The following GLE1 variants were observed in gnomAD, a reference collection of about 807,000 sequenced individuals.
GLE1 encodes mRNA export factor GLE1.
GLE1 carries 78 observed loss-of-function variants against 97.3 expected under a neutral mutation model. The observed-to-expected ratio is 0.80, with a 90% confidence interval of 0.67 to 0.97. The LOEUF is 0.97. Ranked by LOEUF, GLE1 falls within the 50% of genes least tolerant of loss-of-function variation. The pLI is 0.00. For synonymous variants in GLE1, 302 were observed against 313.4 expected, an observed-to-expected ratio of 0.96 and a Z score of 0.39; for missense variants, 753 against 857.5, an observed-to-expected ratio of 0.88 and a Z score of 1.52.
chr9:128,518,336 A>G (rs1218933729), intron 3 of GLE1, among the ~76,000 whole-genome samples: 2 of 151,988 alleles, frequency 1.3e-5, no homozygotes, highest in Admixed American at 6.6e-5. Context: ...CGAGGCAGGC[A>G]GATCACTTGA....
intron 1 of GLE1, 35 bp downstream of exon 1, chr9:128,504,939 G>T: frequency 7.1e-7 from 1 of 1,413,612 alleles, no homozygotes; most frequent in Non-Finnish European, 1.0e-6. Context: ...AGGCCTTTCC[G>T]GCCCCTCGCG....
At chr9:128,511,876 A>G (rs1452156712) in intron 2 of GLE1, among the ~76,000 whole-genome samples, 1 of 151,794 alleles carries the variant, frequency 6.6e-6, no homozygotes, top group Non-Finnish European at 1.5e-5. Context: ...CAATGGTGCA[A>G]TCTCGGCTTA....
intron 1 of GLE1, 53 bp downstream of exon 1, chr9:128,504,957 CCTT>C (rs1490451976): frequency 1.6e-5 from 19 of 1,209,406 alleles, no homozygotes; most frequent in African/African-American, 8.9e-5. Context: ...GCGACCGAAA[CCTT>C]CTCCCTAGCC....
At chr9:128,536,856 A>C (rs1847727897) in intron 12 of GLE1, 2 of 223,876 alleles carry the variant, frequency 8.9e-6, no homozygotes, top group Non-Finnish European at 1.8e-5. Flanking sequence ...GAACAAGCTC[A>C]GAAAGCTGCA....
At chr9:128,536,707 C>T (rs1190759082) in intron 12 of GLE1, 5 of 487,038 alleles carry the variant, frequency 1.0e-5, no homozygotes, top group African/African-American at 2.0e-5. Flanking sequence ...CAGAGTCTAC[C>T]AGAGGAGAGT....
At chr9:128,535,249 C>T (rs1186089345) in intron 11 of GLE1, among the ~76,000 whole-genome samples, 1 of 151,460 alleles carries the variant, frequency 6.6e-6, no homozygotes, top group Non-Finnish European at 1.5e-5. Context: ...CGGTGGCTCA[C>T]GCCTGTAATC....
chr9:128,513,200 ATTAT>A (rs1463021143), intron 2 of GLE1, among the ~76,000 whole-genome samples: 1 of 151,790 alleles, frequency 6.6e-6, no homozygotes, highest in African/African-American at 2.4e-5. Flanking sequence ...TCTGCTTGAC[ATTAT>A]TTATTATTAT....
At chr9:128,511,461 A>C (rs1846819501) in intron 2 of GLE1, among the ~76,000 whole-genome samples, 1 of 151,728 alleles carries the variant, frequency 6.6e-6, no homozygotes, top group Non-Finnish European at 1.5e-5. Flanking sequence ...TAATCCCAGC[A>C]CTTTGGGAGG....
rs1205948429 is a variant in GLE1 at position 128,523,723 on chromosome 9, C to T, written c.774C>T (p.Leu258=). ...CTCTGCAGGAGGAGATGCTGCAGCT[C>T]AGCCAGCAGCTGGATGCCTCTGAGC... ...LYALQEEMLQ[L]SQQLDASEQH... The change falls in exon 6 of 16, where the codon CTC becomes CTT. Residue 258 remains leucine (L), a synonymous_variant. Transcript: ENST00000309971. The T allele has an allele frequency of 4.3e-6, 7 of 1,613,958 alleles. No homozygotes were observed. Among genetic ancestry groups the T allele is most frequent in the Non-Finnish European group, 5.9e-6 (7 of 1,180,020 alleles).
intron 3 of GLE1, among the ~76,000 whole-genome samples, chr9:128,516,057 A>G (rs1439279921): frequency 6.7e-5 from 10 of 150,196 alleles, no homozygotes; most frequent in Non-Finnish European, 3.0e-5. Context: ...CCCAGGTTCA[A>G]GTGATTCTCC....
At chr9:128,534,359 A>G (rs1847627666) in intron 11 of GLE1, among the ~76,000 whole-genome samples, 1 of 152,112 alleles carries the variant, frequency 6.6e-6, no homozygotes, top group African/African-American at 2.4e-5. Context: ...ACACAGCAAG[A>G]GTGTGTCTCA....
intron 3 of GLE1, among the ~76,000 whole-genome samples, chr9:128,518,096 T>C (rs553958327): frequency 9.9e-5 from 15 of 152,176 alleles, no homozygotes; most frequent in African/African-American, 3.4e-4. Flanking sequence ...GTTCCCATAC[T>C]GATTAGCTGT....
rs753008513 is a variant in GLE1 at position 128,538,077 on chromosome 9, T to C, written c.1868T>C (p.Phe623Ser). ...TCAGATGTGACAGCCACCCTCCTCT[T>C]TGACTTCCTGGAGGTACGTAACTCA... ...PLSDVTATLL[F>S]DFLEVCGNAL... is the part of the protein sequence containing the mutation. Residue 623 changes from phenylalanine (F) to serine (S), a missense_variant, in exon 13 of 16, where the codon TTT becomes TCT. Physicochemically the swap from Phe to Ser is radical, Grantham distance 155. Transcript: ENST00000309971. 6.3e-7 allele frequency: 1 copy of C among 1,590,606 alleles called. No homozygotes were observed. Among genetic ancestry groups the C allele is most frequent in the Non-Finnish European group, 8.6e-7 (1 of 1,158,626 alleles).
At chr9:128,530,888 G>C (rs1323549235) in intron 9 of GLE1, among the ~76,000 whole-genome samples, 2 of 144,998 alleles carry the variant, frequency 1.4e-5, no homozygotes, top group Admixed American at 1.4e-4. Context: ...CGTCCTGGGT[G>C]AAAGAGCGAG....
At chr9:128,522,064 C>A (rs1847167491) in intron 3 of GLE1, among the ~76,000 whole-genome samples, 1 of 152,102 alleles carries the variant, frequency 6.6e-6, no homozygotes, top group Non-Finnish European at 1.5e-5. Flanking sequence ...CCGTAAATTA[C>A]CAATGAACCC....
At chr9:128,515,767 G>C in intron 3 of GLE1, 128 bp downstream of exon 3, 2 of 699,868 alleles carry the variant, frequency 2.9e-6, no homozygotes, top group South Asian at 3.0e-5. Flanking sequence ...TTTGGGGGTA[G>C]TGTAATAGAG....
chr9:128,505,938 C>A (rs753839401), intron 1 of GLE1, among the ~76,000 whole-genome samples: 1 of 152,188 alleles, frequency 6.6e-6, no homozygotes, highest in South Asian at 2.1e-4. Flanking sequence ...TGTTAGTTGG[C>A]ATTCTACTGT....
rs1847425080 is a variant in GLE1, at chr9:128,529,712, C to T, written c.1312+2187C>T. 4.6e-5 allele frequency among the ~76,000 whole-genome samples: 7 copies of T among 151,776 alleles called. No homozygotes were observed. In the South Asian group the frequency reaches 1.5e-3, roughly 32 times the overall value. On this transcript the variant is annotated intron_variant, in intron 9 of 15. Transcript: ENST00000309971. ...CCTCTCTCTCTCTCCCTCTCTCCCT[C>T]TCTCTCTCTCCCCTTTGTGGGTTTC...
chr9:128,521,390 C>T (rs996399597), intron 3 of GLE1, among the ~76,000 whole-genome samples: 2 of 151,848 alleles, frequency 1.3e-5, no homozygotes, highest in Admixed American at 6.6e-5. Context: ...AAAAATTAGC[C>T]CCGTGTGATA....
Sources: gnomAD v4.1 joint callset for allele counts (sites outside exome capture counted in the v4.1 genomes callset) on GRCh38, gnomAD v4.1.1 for gene constraint, MANE v1.5 for transcripts, NCBI Gene and HGNC (gene_info 2026-07-23, HGNC 2026-07-21) for gene names.